Variants in EPHA6 observed in about 807,000 individuals in gnomAD.
The protein encoded by EPHA6 is ephrin type-A receptor 6.
Under a neutral mutation model 112.0 loss-of-function variants are expected in EPHA6, and 50 were observed. That is an observed-to-expected ratio of 0.45 (90% CI 0.36 to 0.56). The LOEUF is 0.56. Ranked by LOEUF, EPHA6 falls within the 20% of genes least tolerant of loss-of-function variation. The pLI is 0.00. For missense variants in EPHA6, 1,280 were observed against 1,417.4 expected, an observed-to-expected ratio of 0.90 and a Z score of 1.56; for synonymous variants, 529 against 490.7, an observed-to-expected ratio of 1.08 and a Z score of -1.03.
intron 5 of EPHA6, among the ~76,000 whole-genome samples, chr3:97,342,075 G>A (rs185247065): frequency 5.3e-5 from 8 of 152,194 alleles, no homozygotes; most frequent in South Asian, 2.1e-4. Flanking sequence ...AGATAACTGC[G>A]GAACTGTGGC....
chr3:97,479,385 C>G, intron 9 of EPHA6, 21 bp downstream of exon 9: 1 of 1,555,210 alleles, frequency 6.4e-7, no homozygotes, highest in Non-Finnish European at 8.7e-7. Context: ...CAGGGACTTT[C>G]TTTCATTATT....
At chr3:96,836,429 T>C (rs1190091480) in intron 1 of EPHA6, among the ~76,000 whole-genome samples, 1 of 152,098 alleles carries the variant, frequency 6.6e-6, no homozygotes, top group African/African-American at 2.4e-5. Context: ...TGATAATCCT[T>C]GAAGGTTCTA....
At chr3:97,542,056 T>G (rs987765691) in intron 11 of EPHA6, among the ~76,000 whole-genome samples, 1 of 150,960 alleles carries the variant, frequency 6.6e-6, no homozygotes, top group Admixed American at 6.6e-5. Context: ...AGATGTAGAC[T>G]GGGAGGCTAG....
intron 5 of EPHA6, among the ~76,000 whole-genome samples, chr3:97,308,323 AG>A (rs1013273522): frequency 2.0e-5 from 3 of 151,698 alleles, no homozygotes; most frequent in African/African-American, 7.2e-5. Context: ...ATCTCTCCGT[AG>A]GGAACCCACC....
In EPHA6 at chr3:96,916,931, G is replaced by A. The variant is rs192916101; in HGVS notation, c.450+50042G>A. Among the ~76,000 whole-genome samples the A allele has an allele frequency of 4.2e-3, 638 of 152,198 alleles. 3 individuals are homozygous for A. Among genetic ancestry groups the A allele is most frequent in the Middle Eastern group, 0.01 (3 of 294 alleles). ...ATTGACTTAAGTAGTCTAATGCCTG[G>A]TAATGTCCAAAGTGTGAAAGATTTA... On this transcript the variant is annotated intron_variant, in intron 2 of 17. Coordinates refer to ENST00000389672, the MANE Select transcript of EPHA6 (RefSeq NM_001080448.3).
intron 5 of EPHA6, among the ~76,000 whole-genome samples, chr3:97,251,730 C>G (rs71311314): frequency 0.01 from 1,522 of 152,198 alleles, 17 homozygotes; most frequent in Non-Finnish European, 0.016. Flanking sequence ...CTGCACTTTT[C>G]TATTTCGTTT....
chr3:97,215,680 T>C (rs889518731), intron 3 of EPHA6, among the ~76,000 whole-genome samples: 1 of 152,134 alleles, frequency 6.6e-6, no homozygotes, highest in African/African-American at 2.4e-5. Context: ...GCCTTTAATA[T>C]ATGTCTTCTC....
intron 10 of EPHA6, among the ~76,000 whole-genome samples, chr3:97,484,370 G>C (rs58491485): frequency 0.068 from 10,351 of 152,094 alleles, 1,088 homozygotes; most frequent in African/African-American, 0.23. Flanking sequence ...GCGCCAACAT[G>C]TATAGACATA....
intron 10 of EPHA6, among the ~76,000 whole-genome samples, chr3:97,502,133 T>A (rs1316168175): frequency 6.6e-6 from 1 of 151,714 alleles, no homozygotes; most frequent in Non-Finnish European, 1.5e-5. Flanking sequence ...TGAGGCTGTT[T>A]TGACCTAAGA....
intron 11 of EPHA6, among the ~76,000 whole-genome samples, chr3:97,573,548 A>C (rs908213629): frequency 2.0e-5 from 3 of 152,004 alleles, no homozygotes; most frequent in Non-Finnish European, 4.4e-5. Context: ...TCCAAAAGTA[A>C]GGTAACCAGT....
intron 12 of EPHA6, among the ~76,000 whole-genome samples, chr3:97,602,882 A>T (rs993074953): frequency 6.6e-5 from 10 of 151,998 alleles, no homozygotes; most frequent in African/African-American, 2.4e-4. Context: ...CTTCGACATT[A>T]TATAGTATTT....
intron 13 of EPHA6, among the ~76,000 whole-genome samples, chr3:97,613,902 C>T (rs1348134153): frequency 6.6e-6 from 1 of 152,092 alleles, no homozygotes; most frequent in East Asian, 1.9e-4. Context: ...TAAATGTAAC[C>T]TTGACCATTA....
rs562584442 is a variant in EPHA6 at position 97,631,205 on chromosome 3, G to A, written c.2575-6668G>A. On this transcript the variant is annotated intron_variant, in intron 13 of 17. Transcript: ENST00000389672. Reference sequence around the variant, plus strand: ...TGAGGATATTTTTGTACCAAAGGACGATCAGTACCCCAAAAGTCAGATCCT... The same window carrying A: ...TGAGGATATTTTTGTACCAAAGGACAATCAGTACCCCAAAAGTCAGATCCT... Among the ~76,000 whole-genome samples, 7 of 152,096 alleles carry A rather than the reference G, an allele frequency of 4.6e-5. No homozygotes were observed. In the East Asian group the frequency reaches 7.7e-4, roughly 17 times the overall value.
chr3:97,128,188 T>C (rs1345681541), intron 3 of EPHA6, among the ~76,000 whole-genome samples: 2 of 152,194 alleles, frequency 1.3e-5, no homozygotes, highest in African/African-American at 2.4e-5. Context: ...AAAGGCATGA[T>C]TTTATTCTTT....
At chr3:97,137,241 G>A (rs1576552176) in intron 3 of EPHA6, among the ~76,000 whole-genome samples, 1 of 152,130 alleles carries the variant, frequency 6.6e-6, no homozygotes, top group Admixed American at 6.5e-5. Flanking sequence ...TATGGTATGT[G>A]TTTACAGAGT....
chr3:96,827,809 G>C (rs534153518), intron 1 of EPHA6, among the ~76,000 whole-genome samples: 1 of 152,064 alleles, frequency 6.6e-6, no homozygotes, highest in Non-Finnish European at 1.5e-5. Flanking sequence ...GCATCAACAG[G>C]GGTCCCAAAT....
intron 10 of EPHA6, among the ~76,000 whole-genome samples, chr3:97,520,797 C>G (rs950017742): frequency 4.6e-5 from 7 of 152,314 alleles, no homozygotes; most frequent in African/African-American, 1.7e-4. Flanking sequence ...ATAGTTTTCT[C>G]TCCTTTCGGT....
At chr3:97,557,348 G>T (rs541050516) in intron 11 of EPHA6, among the ~76,000 whole-genome samples, 1 of 151,970 alleles carries the variant, frequency 6.6e-6, no homozygotes, top group African/African-American at 2.4e-5. Context: ...ACTTGACTAT[G>T]TGAGATGCCT....
intron 3 of EPHA6, among the ~76,000 whole-genome samples, chr3:97,170,588 T>C (rs1302258445): frequency 1.3e-5 from 2 of 151,894 alleles, no homozygotes; most frequent in Non-Finnish European, 2.9e-5. Context: ...AATATAAAAA[T>C]TACCCAGGTG....
Sources: gnomAD v4.1 joint callset for allele counts (sites outside exome capture counted in the v4.1 genomes callset) on GRCh38, gnomAD v4.1.1 for gene constraint, MANE v1.5 for transcripts, NCBI Gene and HGNC (gene_info 2026-07-23, HGNC 2026-07-21) for gene names.